Variants in FER observed in about 807,000 individuals in gnomAD.
FER encodes tyrosine-protein kinase Fer.
A neutral mutation model predicts 111.0 loss-of-function variants in FER; 63 were observed. The ratio of observed to expected loss-of-function variants is 0.57; its 90% CI spans 0.46 to 0.70. FER has a LOEUF of 0.70. Ranked by LOEUF, FER falls within the 30% of genes least tolerant of loss-of-function variation. The pLI is 0.00. For missense variants in FER, 914 were observed against 954.0 expected (o/e 0.96, Z 0.55); for synonymous variants, 327 against 313.9 (o/e 1.04, Z -0.44).
At chr5:108,895,687 A>G (rs1748982110) in intron 9 of FER, among the ~76,000 whole-genome samples, 1 of 152,168 alleles carries the variant, frequency 6.6e-6, no homozygotes, top group African/African-American at 2.4e-5. Context: ...CAATTTAATC[A>G]TATCTGAAAA....
At chr5:109,066,171 G>C (rs1188300788) in intron 16 of FER, among the ~76,000 whole-genome samples, 1 of 152,022 alleles carries the variant, frequency 6.6e-6, no homozygotes, top group Non-Finnish European at 1.5e-5. Context: ...CCAGATCATT[G>C]ATAAAGACTT....
chr5:109,143,956 G>GGATA (rs1362440607), intron 17 of FER, among the ~76,000 whole-genome samples: 1 of 151,742 alleles, frequency 6.6e-6, no homozygotes, highest in Non-Finnish European at 1.5e-5. Flanking sequence ...AGGCAGACTA[G>GGATA]GAGGCATCTT....
intron 17 of FER, among the ~76,000 whole-genome samples, chr5:109,159,346 A>G (rs1755747532): frequency 6.6e-6 from 1 of 152,084 alleles, no homozygotes; most frequent in Non-Finnish European, 1.5e-5. Flanking sequence ...TTTCTATCAC[A>G]TATTTTTGTG....
intron 13 of FER, among the ~76,000 whole-genome samples, chr5:109,028,425 T>C (rs928353822): frequency 2.0e-5 from 3 of 152,238 alleles, no homozygotes; most frequent in Non-Finnish European, 4.4e-5. Context: ...TTAATTAAAA[T>C]TGATTGCATC....
chr5:108,967,775 A>AAAAAAAAAAAAT, intron 13 of FER, among the ~76,000 whole-genome samples: 1 of 151,420 alleles, frequency 6.6e-6, no homozygotes, highest in Non-Finnish European at 1.5e-5. Context: ...AAAAAAAAAA[A>AAAAAAAAAAAAT]AAAAAAAACA....
intron 13 of FER, among the ~76,000 whole-genome samples, chr5:108,970,548 C>A (rs2149696025): frequency 6.6e-6 from 1 of 152,118 alleles, no homozygotes; most frequent in South Asian, 2.1e-4. Context: ...GTGTTTACAG[C>A]CAATAAGTTG....
Position 109,100,412 on chromosome 5 carries a change from C to A in FER, c.1941C>A (p.Thr647=). 6.2e-7 allele frequency: 1 copy of A among 1,610,656 alleles called. No homozygotes were observed. The highest frequency in any genetic ancestry group is 2.2e-5 in the East Asian group (1 of 44,714). Residue 647 remains threonine, a synonymous_variant, in exon 17 of 20, where the codon ACC becomes ACA. Coordinates refer to ENST00000281092, the MANE Select transcript of FER (RefSeq NM_005246.4). ...MELVSGGDFL[T]FLRRKKDELK... ...TTCCTCTAGGAGGTGATTTCCTCAC[C>A]TTTCTGAGAAGGAAGAAGGATGAAC...
intron 10 of FER, among the ~76,000 whole-genome samples, chr5:108,903,590 C>T (rs1750347399): frequency 6.6e-6 from 1 of 152,108 alleles, no homozygotes; most frequent in Non-Finnish European, 1.5e-5. Context: ...GAATATATAC[C>T]TCTTTTGCCT....
chr5:108,761,482 T>G (rs1751744736), intron 1 of FER, among the ~76,000 whole-genome samples: 1 of 152,122 alleles, frequency 6.6e-6, no homozygotes, highest in African/African-American at 2.4e-5. Flanking sequence ...TATATATGAG[T>G]GTGGTTCTTG....
At chr5:109,129,924 C>G (rs1447065390) in intron 17 of FER, among the ~76,000 whole-genome samples, 5 of 151,908 alleles carry the variant, frequency 3.3e-5, no homozygotes, top group African/African-American at 1.2e-4. Context: ...ATATGAGATC[C>G]TACTTTTACT....
intron 3 of FER, among the ~76,000 whole-genome samples, chr5:108,811,468 T>G (rs913034672): frequency 6.6e-6 from 1 of 152,190 alleles, no homozygotes; most frequent in African/African-American, 2.4e-5. Context: ...AGAAAATAGT[T>G]TGTCTTGGTA....
intron 13 of FER, chr5:109,014,817 C>G (rs1766826615): frequency 6.6e-6 from 1 of 152,184 alleles, no homozygotes; most frequent in Non-Finnish European, 1.5e-5. Flanking sequence ...AAGTTGGATT[C>G]CTAGGTATTT....
chr5:108,878,113 G>C (rs893440028), intron 8 of FER, among the ~76,000 whole-genome samples: 1 of 151,924 alleles, frequency 6.6e-6, no homozygotes, highest in African/African-American at 2.4e-5. Context: ...CACCATGTTG[G>C]CCAGGCTGGT....
At chr5:108,938,038 ACACAC>A (rs1561647657) in intron 10 of FER, among the ~76,000 whole-genome samples, 12 of 109,972 alleles carry the variant, frequency 1.1e-4, no homozygotes, top group African/African-American at 4.1e-4. Context: ...ACACACACAC[ACACAC>A]ACACACACAC....
At chr5:108,974,532 A>G (rs2149706202) in intron 13 of FER, among the ~76,000 whole-genome samples, 1 of 152,316 alleles carries the variant, frequency 6.6e-6, no homozygotes, top group South Asian at 2.1e-4. Flanking sequence ...GGTAGATAGA[A>G]TAATGGCTCC....
intron 13 of FER, among the ~76,000 whole-genome samples, chr5:109,027,719 T>A (rs1186881355): frequency 6.6e-6 from 1 of 151,998 alleles, no homozygotes; most frequent in African/African-American, 2.4e-5. Context: ...AGAAGCACAG[T>A]TAGTCCCTGC....
At chr5:109,067,445 G>A (rs1002560524) in intron 16 of FER, among the ~76,000 whole-genome samples, 1 of 151,884 alleles carries the variant, frequency 6.6e-6, no homozygotes, top group African/African-American at 2.4e-5. Context: ...TATCCTTCCA[G>A]AGCTTTTTTA....
rs1754553588 is a variant in FER, at chr5:108,785,198, A to G, written c.-59-12926A>G. On this transcript the variant is annotated intron_variant, in intron 2 of 19. Coordinates refer to ENST00000281092, the MANE Select transcript of FER (RefSeq NM_005246.4). ...CCACACAGGTTATCTGAACACTGTGACTATGTCTCCAAATGGATCCCTCTG... is the reference window on the plus strand; with the variant it reads ...CCACACAGGTTATCTGAACACTGTGGCTATGTCTCCAAATGGATCCCTCTG... 4 of 622,794 alleles carry G rather than the reference A, an allele frequency of 6.4e-6. No individual in the cohort carries two copies. In the East Asian group the frequency reaches 1.5e-4, roughly 23 times the overall value. The allele number at this position is 622,794 out of a possible 1,614,324, so 38.6% of individuals were successfully genotyped here.
At chr5:108,988,226 A>G (rs961863340) in intron 13 of FER, among the ~76,000 whole-genome samples, 1 of 152,050 alleles carries the variant, frequency 6.6e-6, no homozygotes, top group South Asian at 2.1e-4. Flanking sequence ...ATCTATATTC[A>G]TCAGGAATGT....
Sources: gnomAD v4.1 joint callset for allele counts (sites outside exome capture counted in the v4.1 genomes callset) on GRCh38, gnomAD v4.1.1 for gene constraint, MANE v1.5 for transcripts, NCBI Gene and HGNC (gene_info 2026-07-23, HGNC 2026-07-21) for gene names.